Variants in KRABD5 observed in about 807,000 individuals in gnomAD.
The protein encoded by KRABD5 is KRAB domain-containing protein 5.
the KRABD5 span, among the ~76,000 whole-genome samples, chr16:31,740,779 A>G: frequency 1.3e-5 from 2 of 152,154 alleles, no homozygotes; most frequent in African/African-American, 4.8e-5. Context: ...AGTCTGAGTG[A>G]CAGAGTAAGA....
At chr16:31,753,735 T>A in the KRABD5 span, 3 of 1,445,304 alleles carry the variant, frequency 2.1e-6, no homozygotes, top group Non-Finnish European at 2.7e-6. Context: ...ATTTAGTAAT[T>A]GGAATTTTGA....
At chr16:31,722,751 G>A in the KRABD5 span, 2 of 1,586,020 alleles carry the variant, frequency 1.3e-6, no homozygotes, top group South Asian at 2.3e-5. Context: ...TGGTCTCTCT[G>A]GGTGAGGATA....
the KRABD5 span, chr16:31,723,419 C>T: frequency 6.8e-7 from 1 of 1,479,228 alleles, no homozygotes; most frequent in Admixed American, 2.5e-5. Flanking sequence ...AGAACCAGAC[C>T]TTGAAGTGTG....
chr16:31,722,904 A>G, the KRABD5 span, among the ~76,000 whole-genome samples: 2 of 152,208 alleles, frequency 1.3e-5, no homozygotes, highest in Non-Finnish European at 1.5e-5. Context: ...TTGTTGTAGA[A>G]AAGACTTCCT....
chr16:31,732,039 T>C, the KRABD5 span, among the ~76,000 whole-genome samples: 4,958 of 152,288 alleles, frequency 0.033, 136 homozygotes, highest in Middle Eastern at 0.1. Context: ...CCTCCTGGAT[T>C]CTTGGAAGAT....
the KRABD5 span, among the ~76,000 whole-genome samples, chr16:31,717,857 C>T: frequency 4.6e-5 from 7 of 152,064 alleles, no homozygotes; most frequent in African/African-American, 1.2e-4. Context: ...CCTATTGCCC[C>T]GAAAATCTGC....
chr16:31,732,941 T>C, the KRABD5 span, among the ~76,000 whole-genome samples: 430 of 152,310 alleles, frequency 2.8e-3, no homozygotes, highest in Non-Finnish European at 4.7e-3. Context: ...ATCTATGATG[T>C]ATTTATTATT....
chr16:31,725,801 C>CT, the KRABD5 span, among the ~76,000 whole-genome samples: 23 of 152,282 alleles, frequency 1.5e-4, no homozygotes, highest in African/African-American at 5.5e-4. Flanking sequence ...TAGTCAGGTC[C>CT]TTTGCATATT....
the KRABD5 span, among the ~76,000 whole-genome samples, chr16:31,717,222 C>T: frequency 0.54 from 82,004 of 151,802 alleles, 24,805 homozygotes; most frequent in Middle Eastern, 0.71. Context: ...TCTCAAACTC[C>T]TGACTTCAGG....
the KRABD5 span, among the ~76,000 whole-genome samples, chr16:31,714,608 A>G: frequency 9.2e-5 from 14 of 152,206 alleles, no homozygotes; most frequent in Admixed American, 9.2e-4. Flanking sequence ...GGTGTGTGGA[A>G]TAACCCTGAC....
At chr16:31,719,845 G>A in the KRABD5 span, among the ~76,000 whole-genome samples, 1 of 152,274 alleles carries the variant, frequency 6.6e-6, no homozygotes, top group African/African-American at 2.4e-5. Context: ...TTCCATTCCT[G>A]CAGACCCAGT....
the KRABD5 span, among the ~76,000 whole-genome samples, chr16:31,716,009 C>T: frequency 6.6e-6 from 1 of 152,180 alleles, no homozygotes; most frequent in Non-Finnish European, 1.5e-5. Flanking sequence ...CACATAATTC[C>T]CACCCACTCT....
chr16:31,758,344 A>G, the KRABD5 span: 1 of 152,190 alleles, frequency 6.6e-6, no homozygotes, highest in Non-Finnish European at 1.5e-5. Context: ...AAGGAATGAA[A>G]TCTACAATAT....
At chr16:31,749,188 GCA>G in the KRABD5 span, among the ~76,000 whole-genome samples, 2 of 152,178 alleles carry the variant, frequency 1.3e-5, no homozygotes, top group Non-Finnish European at 1.5e-5. Flanking sequence ...GGGAAGCTGT[GCA>G]CAGTGAGAAA....
the KRABD5 span, among the ~76,000 whole-genome samples, chr16:31,730,085 T>C: frequency 7.9e-4 from 121 of 152,338 alleles, no homozygotes; most frequent in Non-Finnish European, 1.1e-3. Flanking sequence ...TCGAGTATTC[T>C]GAATTTCACT....
chr16:31,713,300 G>C, the KRABD5 span: 3 of 1,262,316 alleles, frequency 2.4e-6, no homozygotes, highest in East Asian at 2.6e-5. Flanking sequence ...TTCACCAGGG[G>C]CTCCCAGTCC....
the KRABD5 span, among the ~76,000 whole-genome samples, chr16:31,715,896 A>G: frequency 1.3e-5 from 2 of 152,212 alleles, no homozygotes; most frequent in African/African-American, 2.4e-5. Context: ...GTCACCCTAC[A>G]CATTGTCCTG....
chr16:31,717,039 C>T, the KRABD5 span, among the ~76,000 whole-genome samples: 4 of 129,256 alleles, frequency 3.1e-5, no homozygotes, highest in East Asian at 2.2e-4. Flanking sequence ...CTGTGTTGCC[C>T]AGGCTGGAGT....
At chr16:31,757,676 A>G in the KRABD5 span, 1 of 152,182 alleles carries the variant, frequency 6.6e-6, no homozygotes, top group Non-Finnish European at 1.5e-5. Context: ...GTTATTATAT[A>G]ATATATGGAG....
Sources: allele counts gnomAD v4.1 joint callset (sites outside exome capture counted in the v4.1 genomes callset), GRCh38; gene constraint gnomAD v4.1.1; transcripts MANE v1.5; gene names NCBI Gene and HGNC (gene_info 2026-07-23, HGNC 2026-07-21).